Variants in SATB2 observed in about 807,000 individuals in gnomAD.
SATB2 encodes the protein SATB homeobox 2.
SATB2 carries 1 observed loss-of-function variant against 73.4 expected under a neutral mutation model. The observed-to-expected ratio is 0.01, with a 90% CI of 0.00 to 0.06. SATB2 has a LOEUF of 0.06. Among genes scored for constraint, SATB2 ranks in the 10% least tolerant of loss-of-function variants. The pLI is 1.00. For synonymous variants in SATB2, 397 were observed against 367.0 expected (o/e 1.08, Z -0.93); for missense variants, 459 against 945.8 (o/e 0.49, Z 6.75).
chr2:199,387,521 T>A (rs1317147181), intron 3 of SATB2, among the ~76,000 whole-genome samples: 1 of 152,226 alleles, frequency 6.6e-6, no homozygotes, highest in Non-Finnish European at 1.5e-5. Flanking sequence ...CCAATCATCT[T>A]TATTATTTAC....
intron 2 of SATB2, among the ~76,000 whole-genome samples, chr2:199,452,403 C>G (rs529702875): frequency 6.6e-6 from 1 of 152,228 alleles, no homozygotes; most frequent in South Asian, 2.1e-4. Flanking sequence ...ATTGGCATCA[C>G]TTTCATTTTA....
chr2:199,304,591 A>G (rs192299003), intron 10 of SATB2, among the ~76,000 whole-genome samples: 19 of 152,272 alleles, frequency 1.2e-4, no homozygotes, highest in Non-Finnish European at 2.1e-4. Flanking sequence ...GCCACAAACC[A>G]CTGTGAATCT....
intron 7 of SATB2, among the ~76,000 whole-genome samples, chr2:199,346,156 CTT>C (rs1050884316): frequency 2.1e-5 from 3 of 144,922 alleles, no homozygotes; most frequent in Admixed American, 1.4e-4. Flanking sequence ...TTTTCTTTTT[CTT>C]TTTTTTTTTT....
At chr2:199,441,661 C>A (rs1328752036) in intron 2 of SATB2, among the ~76,000 whole-genome samples, 2 of 152,140 alleles carry the variant, frequency 1.3e-5, no homozygotes, top group Admixed American at 6.5e-5. Flanking sequence ...CACTGACCAC[C>A]CCGAAGGATC....
chr2:199,277,644 T>G (rs1213228247), intron 10 of SATB2, among the ~76,000 whole-genome samples: 1 of 152,200 alleles, frequency 6.6e-6, no homozygotes, highest in African/African-American at 2.4e-5. Context: ...CTGCTGTTGA[T>G]TTTTCAGTAT....
intron 9 of SATB2, among the ~76,000 whole-genome samples, chr2:199,309,893 C>T (rs1446644): frequency 3.3e-5 from 5 of 152,138 alleles, no homozygotes. Flanking sequence ...ATTCCCAAAC[C>T]TCAACAAATT....
At chr2:199,438,543 C>T (rs1379028408) in intron 2 of SATB2, among the ~76,000 whole-genome samples, 1 of 152,210 alleles carries the variant, frequency 6.6e-6, no homozygotes, top group Non-Finnish European at 1.5e-5. Flanking sequence ...CTCTTTCCCC[C>T]TTGCCTTCAT....
upstream of SATB2, among the ~76,000 whole-genome samples, chr2:199,461,420 G>A (rs1692474003): frequency 6.6e-6 from 1 of 152,172 alleles, no homozygotes; most frequent in Non-Finnish European, 1.5e-5. Flanking sequence ...GATGATTCAA[G>A]AATATTTGTT....
chr2:199,350,398 T>A (rs758236913), intron 6 of SATB2, among the ~76,000 whole-genome samples: 3 of 151,722 alleles, frequency 2.0e-5, no homozygotes. Flanking sequence ...TGATGTGTGC[T>A]GGACAACTGG....
chr2:199,307,713 T>A (rs573513932), intron 10 of SATB2, among the ~76,000 whole-genome samples: 16 of 152,192 alleles, frequency 1.1e-4, no homozygotes, highest in African/African-American at 3.9e-4. Context: ...CATAAAGATG[T>A]GTTAACTTCT....
upstream of SATB2, chr2:199,458,218 T>A: frequency 1.3e-5 from 1 of 77,930 alleles, no homozygotes; most frequent in Non-Finnish European, 2.2e-5. Context: ...GGAGGAGGGC[T>A]GGGGAGGTTG....
intron 5 of SATB2, among the ~76,000 whole-genome samples, chr2:199,369,180 G>A (rs996808804): frequency 1.3e-5 from 2 of 152,172 alleles, no homozygotes; most frequent in Admixed American, 6.5e-5. Context: ...TTATAGAAAC[G>A]TGTGATTAGA....
At chr2:199,399,732 G>C (rs1690414935) in intron 3 of SATB2, among the ~76,000 whole-genome samples, 1 of 152,068 alleles carries the variant, frequency 6.6e-6, no homozygotes, top group Non-Finnish European at 1.5e-5. Flanking sequence ...GAGAAGCGGA[G>C]AGGTGCCACA....
At chr2:199,401,461 G>T (rs1018313410) in intron 3 of SATB2, among the ~76,000 whole-genome samples, 1 of 151,792 alleles carries the variant, frequency 6.6e-6, no homozygotes, top group Non-Finnish European at 1.5e-5. Context: ...CCTGAGGCAG[G>T]AGAATTGCTT....
intron 3 of SATB2, among the ~76,000 whole-genome samples, chr2:199,398,206 A>G (rs563650844): frequency 4.6e-5 from 7 of 152,340 alleles, no homozygotes; most frequent in African/African-American, 1.7e-4. Flanking sequence ...GGAACTGCTG[A>G]ATAACCTGGG....
At chr2:199,333,018 T>C (rs1361137388) in intron 7 of SATB2, among the ~76,000 whole-genome samples, 1 of 152,100 alleles carries the variant, frequency 6.6e-6, no homozygotes, top group African/African-American at 2.4e-5. Context: ...TTAACAGATA[T>C]CTGTTCTTTA....
intron 9 of SATB2, among the ~76,000 whole-genome samples, chr2:199,314,650 C>T (rs1687681582): frequency 6.6e-6 from 1 of 152,026 alleles, no homozygotes; most frequent in South Asian, 2.1e-4. Flanking sequence ...GACCATGAAG[C>T]AGTTCAGGAA....
intron 5 of SATB2, among the ~76,000 whole-genome samples, chr2:199,373,735 T>C (rs1689516141): frequency 6.6e-6 from 1 of 152,184 alleles, no homozygotes; most frequent in Non-Finnish European, 1.5e-5. Context: ...CTGCAATCCC[T>C]TGGTTAGGAA....
chr2:199,470,700 C>G (rs549800590), intron 1 of SATB2: 1 of 152,398 alleles, frequency 6.6e-6, no homozygotes, highest in Admixed American at 6.5e-5. Flanking sequence ...TTATTCTGCT[C>G]CCGACTTACC....
Sources: gnomAD v4.1 joint callset for allele counts (sites outside exome capture counted in the v4.1 genomes callset) on GRCh38, gnomAD v4.1.1 for gene constraint, MANE v1.5 for transcripts, NCBI Gene and HGNC (gene_info 2026-07-23, HGNC 2026-07-21) for gene names.